The following THADA variants were observed in gnomAD, a reference collection of about 807,000 sequenced individuals.
The protein encoded by THADA is THADA armadillo repeat containing, also known as tRNA (32-2'-O)-methyltransferase regulator THADA.
A neutral mutation model predicts 219.8 loss-of-function variants in THADA; 213 were observed. That is an observed-to-expected ratio of 0.97 (90% CI 0.87 to 1.09). The LOEUF (loss-of-function observed/expected upper bound fraction) is 1.09, where lower values mean the gene tolerates loss of function less well. Among genes scored for constraint, THADA ranks in the 50% least tolerant of loss-of-function variants. THADA has a pLI of 0.00. For synonymous variants in THADA, 1,018 were observed against 828.9 expected, an observed-to-expected ratio of 1.23 and a Z score of -3.92; for missense variants, 2,956 against 2,311.3, an observed-to-expected ratio of 1.28 and a Z score of -5.72.
Position 43,566,142 on chromosome 2 carries a change from A to G in THADA, c.2311+556T>C, listed in dbSNP as rs894399647. The stretch of plus-strand genomic sequence containing the variant: ...CAAAAAGGAAAAAATGAAACAAAAA[A>G]AAAAGATTCAAAGAGGGAACTGAAA... On this transcript the variant is annotated intron_variant, in intron 15 of 37. Coordinates refer to ENST00000405975, the MANE Select transcript of THADA (RefSeq NM_022065.5). 3 of 305,298 alleles carry G rather than the reference A, an allele frequency of 9.8e-6. No individual in the cohort carries two copies. In the Admixed American group the frequency reaches 1.5e-4, roughly 15 times the overall value. The allele number at this position is 305,298 out of a possible 1,614,324, so 18.9% of individuals were successfully genotyped here.
intron 16 of THADA, among the ~76,000 whole-genome samples, chr2:43,558,998 G>A (rs1170404270): frequency 6.6e-6 from 1 of 152,132 alleles, no homozygotes; most frequent in Non-Finnish European, 1.5e-5. Flanking sequence ...GAGCCCCTTA[G>A]TGATGTAAGG....
intron 29 of THADA, among the ~76,000 whole-genome samples, chr2:43,344,548 G>T (rs537785037): frequency 1.3e-5 from 2 of 152,320 alleles, no homozygotes; most frequent in Non-Finnish European, 2.9e-5. Context: ...TTTCAGCAAA[G>T]AAATGCAAAC....
intron 15 of THADA, chr2:43,564,364 G>C (rs1383444513): frequency 1.3e-5 from 2 of 152,240 alleles, no homozygotes; most frequent in African/African-American, 4.8e-5. Flanking sequence ...TCTAAAATCT[G>C]TTCCTTGCCT....
At chr2:43,526,690 G>C (rs1693210964) in intron 22 of THADA, among the ~76,000 whole-genome samples, 1 of 152,200 alleles carries the variant, frequency 6.6e-6, no homozygotes. Flanking sequence ...TATACAGCCA[G>C]TGTTGGTTCT....
At chr2:43,471,310 G>A (rs1365842734) in intron 26 of THADA, among the ~76,000 whole-genome samples, 1 of 152,104 alleles carries the variant, frequency 6.6e-6, no homozygotes, top group Non-Finnish European at 1.5e-5. Context: ...AGGATCACTT[G>A]AGCCCAGGAC....
At chr2:43,391,033 C>A (rs1178558793) in intron 29 of THADA, among the ~76,000 whole-genome samples, 1 of 152,108 alleles carries the variant, frequency 6.6e-6, no homozygotes. Context: ...TTTAATCTTG[C>A]ATAACTTTAG....
In THADA at chr2:43,574,992, C is replaced by G; in HGVS notation, c.1073G>C (p.Arg358Thr). ...KEPTLEMFLS[R>T]ILASWTNSAI... ...TGAATTAGTCCAGGATGCTAAGATTCTAGACAGAAACATTTCCAGCGTTGG... is the reference window on the plus strand; with the variant it reads ...TGAATTAGTCCAGGATGCTAAGATTGTAGACAGAAACATTTCCAGCGTTGG... Residue 358 changes from arginine to threonine, a missense_variant, in exon 11 of 38, where the codon AGA becomes ACA. Physicochemically the swap from Arg to Thr is moderately conservative, Grantham distance 71 (BLOSUM62 -1). Transcript: ENST00000405975. 6.2e-7 allele frequency: 1 copy of G among 1,613,084 alleles called. No individual in the cohort carries two copies. The highest frequency in any genetic ancestry group is 8.5e-7 in the Non-Finnish European group (1 of 1,179,506).
intron 31 of THADA, among the ~76,000 whole-genome samples, chr2:43,315,045 A>G (rs1677924993): frequency 6.6e-6 from 1 of 152,168 alleles, no homozygotes; most frequent in African/African-American, 2.4e-5. Context: ...CGTGGTTCTA[A>G]GACATGTCAG....
rs70963396 is a variant in THADA at position 43,425,446 on chromosome 2, A to ATGTGTGTGTG, written c.4058+2644_4058+2653dup. On this transcript the variant is annotated intron_variant, in intron 28 of 37. Transcript: ENST00000405975. Reference sequence around the variant, plus strand: ...CTACTGTCTAGCTTGTTAAAATTGTATGTGTGTGTGTGTGTGTGTGTGTGT... The same window carrying ATGTGTGTGTG: ...CTACTGTCTAGCTTGTTAAAATTGTATGTGTGTGTGTGTGTGTGTGTGTGTGTGTGTGTGT... Among the ~76,000 whole-genome samples the ATGTGTGTGTG allele has an allele frequency of 4.7e-3, 659 of 140,510 alleles. 4 individuals carry two copies. The highest frequency in any genetic ancestry group is 0.012 in the African/African-American group (438 of 37,040). 92.2% of individuals were successfully genotyped at this position (140,510 alleles called of 152,430 possible).
intron 36 of THADA, among the ~76,000 whole-genome samples, chr2:43,275,950 T>C (rs1224667415): frequency 9.2e-5 from 14 of 152,224 alleles, no homozygotes; most frequent in South Asian, 8.3e-4. Flanking sequence ...CGATGTGGTA[T>C]ATAAAACAGA....
chr2:43,551,441 T>C (rs189836661), intron 19 of THADA, among the ~76,000 whole-genome samples: 295 of 152,292 alleles, frequency 1.9e-3, no homozygotes, highest in Non-Finnish European at 3.4e-3. Context: ...GCATTTCTTT[T>C]GAGCATCCCA....
intron 31 of THADA, among the ~76,000 whole-genome samples, chr2:43,302,889 T>C (rs1038341580): frequency 1.3e-5 from 2 of 152,006 alleles, no homozygotes; most frequent in Admixed American, 1.3e-4. Flanking sequence ...TGACTAGCCA[T>C]TGCACTTCAG....
chr2:43,242,008 G>A (rs560162288), intron 36 of THADA, among the ~76,000 whole-genome samples: 1 of 152,296 alleles, frequency 6.6e-6, no homozygotes, highest in East Asian at 1.9e-4. Context: ...ACCATTCCCT[G>A]CTCTGGGGTC....
chr2:43,441,928 G>A (rs1324140650), intron 26 of THADA, among the ~76,000 whole-genome samples: 5 of 152,150 alleles, frequency 3.3e-5, no homozygotes, highest in Non-Finnish European at 7.3e-5. Context: ...TTCATGTTGG[G>A]CGCAATCCTA....
At chr2:43,590,540 G>T (rs1701441451) in intron 4 of THADA, among the ~76,000 whole-genome samples, 1 of 151,566 alleles carries the variant, frequency 6.6e-6, no homozygotes, top group Admixed American at 6.6e-5. Context: ...GCCGGGTGTG[G>T]TGGCTGAGGC....
chr2:43,433,269 C>T (rs1465926769), intron 26 of THADA, among the ~76,000 whole-genome samples: 1 of 151,786 alleles, frequency 6.6e-6, no homozygotes, highest in Non-Finnish European at 1.5e-5. Context: ...GTGGCTCACA[C>T]CTGTAATCCC....
intron 8 of THADA, among the ~76,000 whole-genome samples, chr2:43,580,174 G>A (rs1403212209): frequency 1.3e-5 from 2 of 150,496 alleles, no homozygotes; most frequent in East Asian, 2.0e-4. Context: ...ACAGGTGCAC[G>A]CCACCACGCC....
Position 43,398,045 on chromosome 2 carries a change from T to C in THADA, c.4153A>G (p.Thr1385Ala), listed in dbSNP as rs33979934. The C allele has an allele frequency of 6.2e-7, 1 of 1,613,650 alleles. No individual in the cohort carries two copies. The highest frequency in any genetic ancestry group is 8.5e-7 in the Non-Finnish European group (1 of 1,179,792). Residue 1385 changes from threonine (T) to alanine (A), a missense_variant, in exon 29 of 38, where the codon ACT becomes GCT. Transcript: ENST00000405975. ...CAGCTGGGGAGTGTGGACAACAGAG[T>C]TCGAATGGTATTAGGAATGTGATCT... is the stretch of plus-strand genomic sequence containing the variant. ...MIDHIPNTIR[T>A]LLSTLPSCTD...
At chr2:43,490,344 T>C (rs1687471731) in intron 25 of THADA, among the ~76,000 whole-genome samples, 1 of 152,172 alleles carries the variant, frequency 6.6e-6, no homozygotes, top group Non-Finnish European at 1.5e-5. Context: ...CTTCTCTAGT[T>C]GGCCTACTAG....
Sources: gnomAD v4.1 joint callset for allele counts (sites outside exome capture counted in the v4.1 genomes callset) on GRCh38, gnomAD v4.1.1 for gene constraint, MANE v1.5 for transcripts, NCBI Gene and HGNC (gene_info 2026-07-23, HGNC 2026-07-21) for gene names.